Variants in PDZK1 observed in about 807,000 individuals in gnomAD.
The protein encoded by PDZK1 is PDZ domain containing 1, also known as Na(+)/H(+) exchange regulatory cofactor NHE-RF3.
A neutral mutation model predicts 38.1 loss-of-function variants in PDZK1; 23 were observed. The ratio of observed to expected loss-of-function variants is 0.60; its 90% CI spans 0.43 to 0.85. The LOEUF (loss-of-function observed/expected upper bound fraction) is 0.85, where lower values mean the gene tolerates loss of function less well. PDZK1 is among the 40% of genes least tolerant of loss of function. The pLI is 0.00. For synonymous variants in PDZK1, 98 were observed against 186.2 expected (o/e 0.53, Z 3.86); for missense variants, 297 against 504.3 (o/e 0.59, Z 3.94).
At chr1:145,686,203 A>G (rs1553701640) in intron 3 of PDZK1, among the ~76,000 whole-genome samples, 1 of 152,160 alleles carries the variant, frequency 6.6e-6, no homozygotes, top group African/African-American at 2.4e-5. Context: ...AGAGTCCTCA[A>G]GTGCCAGCCT....
At chr1:145,704,693 C>T (rs1656156465) in intron 1 of PDZK1, among the ~76,000 whole-genome samples, 2 of 152,160 alleles carry the variant, frequency 1.3e-5, no homozygotes, top group Non-Finnish European at 2.9e-5. Context: ...CTGGGCAGTC[C>T]CTCATGAAGG....
chr1:145,694,495 C>T (rs1655499321), intron 1 of PDZK1, among the ~76,000 whole-genome samples: 1 of 152,206 alleles, frequency 6.6e-6, no homozygotes, highest in South Asian at 2.1e-4. Flanking sequence ...CAGGCATCTG[C>T]CCCTCACTTA....
intron 1 of PDZK1, among the ~76,000 whole-genome samples, chr1:145,697,861 G>T (rs587634282): frequency 1.5e-5 from 2 of 132,802 alleles, no homozygotes; most frequent in Non-Finnish European, 3.1e-5. Flanking sequence ...CTTGTGGTCC[G>T]CCCGCCTCAG....
At chr1:145,706,938 C>A (rs1242610808) in intron 1 of PDZK1, among the ~76,000 whole-genome samples, 2 of 151,920 alleles carry the variant, frequency 1.3e-5, no homozygotes, top group African/African-American at 4.8e-5. Flanking sequence ...CTACCCAAGG[C>A]CCCTGTATCA....
intron 6 of PDZK1, chr1:145,674,123 G>A (rs1653389683): frequency 2.1e-6 from 2 of 935,412 alleles, no homozygotes; most frequent in Non-Finnish European, 2.5e-6. Context: ...CATAAAAGCA[G>A]TATAGGATGC....
intron 6 of PDZK1, among the ~76,000 whole-genome samples, chr1:145,677,495 C>T (rs1236931406): frequency 6.7e-6 from 1 of 149,406 alleles, no homozygotes; most frequent in African/African-American, 2.5e-5. Context: ...CAAGTATTTT[C>T]TAGGTATGAT....
At chr1:145,697,998 G>C (rs1553704448) in intron 1 of PDZK1, among the ~76,000 whole-genome samples, 1 of 151,782 alleles carries the variant, frequency 6.6e-6, no homozygotes, top group East Asian at 1.9e-4. Context: ...ATGGAAACTG[G>C]GGTTAGCCTT....
At chr1:145,695,395 C>T (rs1241040224) in intron 1 of PDZK1, among the ~76,000 whole-genome samples, 4 of 151,278 alleles carry the variant, frequency 2.6e-5, no homozygotes, top group Non-Finnish European at 5.9e-5. Flanking sequence ...AACTCCAGCC[C>T]GGGTGACAGA....
chr1:145,690,671 C>G (rs1361510871), intron 1 of PDZK1, among the ~76,000 whole-genome samples: 1 of 152,188 alleles, frequency 6.6e-6, no homozygotes, highest in African/African-American at 2.4e-5. Context: ...ACTCAACAAT[C>G]TCACGCCCTG....
chr1:145,679,895 G>A (rs1654065161), intron 5 of PDZK1, among the ~76,000 whole-genome samples: 1 of 152,130 alleles, frequency 6.6e-6, no homozygotes, highest in Non-Finnish European at 1.5e-5. Context: ...ACGAATTCTT[G>A]TACTACACAT....
chr1:145,703,846 G>A (rs1051124725), intron 1 of PDZK1, among the ~76,000 whole-genome samples: 2 of 151,624 alleles, frequency 1.3e-5, no homozygotes, highest in African/African-American at 4.9e-5. Context: ...TTGGCCAGGA[G>A]GGATGGAATC....
At chr1:145,695,731 A>G (rs1188127010) in intron 1 of PDZK1, among the ~76,000 whole-genome samples, 2 of 152,140 alleles carry the variant, frequency 1.3e-5, no homozygotes, top group Non-Finnish European at 2.9e-5. Flanking sequence ...CAGAGAGGCC[A>G]GGTAAGAGGC....
chr1:145,684,528 A>G (rs1487341740), intron 3 of PDZK1, among the ~76,000 whole-genome samples: 4 of 152,070 alleles, frequency 2.6e-5, no homozygotes, highest in Non-Finnish European at 4.4e-5. Flanking sequence ...TTTTTTATTG[A>G]TACATAACAT....
intron 1 of PDZK1, among the ~76,000 whole-genome samples, chr1:145,694,545 T>C (rs923439890): frequency 5.3e-5 from 8 of 152,200 alleles, no homozygotes; most frequent in Non-Finnish European, 8.8e-5. Flanking sequence ...GATAAAGTTA[T>C]ACACCACCCC....
At chr1:145,681,505 G>C (rs1486778815) in intron 4 of PDZK1, among the ~76,000 whole-genome samples, 13 of 149,034 alleles carry the variant, frequency 8.7e-5, no homozygotes, top group African/African-American at 3.1e-4. Context: ...AGCCAGGATG[G>C]TCTCGATCTC....
At chr1:145,693,091 G>T (rs1187833038) in intron 1 of PDZK1, among the ~76,000 whole-genome samples, 1 of 152,126 alleles carries the variant, frequency 6.6e-6, no homozygotes, top group Admixed American at 6.5e-5. Flanking sequence ...TTCTTCTTCT[G>T]AAGAAGGAAA....
At chr1:145,691,989 A>G (rs1323289678) in intron 1 of PDZK1, among the ~76,000 whole-genome samples, 2 of 151,932 alleles carry the variant, frequency 1.3e-5, no homozygotes, top group African/African-American at 4.8e-5. Context: ...CACCAATTTT[A>G]TTGATGAAAA....
intron 5 of PDZK1, 57 bp from the exon 6 acceptor site, chr1:145,678,702 A>C (rs1368687196): frequency 2.0e-6 from 1 of 497,752 alleles, no homozygotes; most frequent in African/African-American, 2.3e-5. Flanking sequence ...AAAAAAATAA[A>C]ACAGATTTTC....
At chr1:145,679,188 AGTTCCTG>A (rs1654002107) in intron 5 of PDZK1, among the ~76,000 whole-genome samples, 1 of 149,964 alleles carries the variant, frequency 6.7e-6, no homozygotes, top group African/African-American at 2.4e-5. Context: ...TTTTTTAACA[AGTTCCTG>A]TTTCACTTTT....
Sources: gnomAD v4.1 joint callset for allele counts (sites outside exome capture counted in the v4.1 genomes callset) on GRCh38, gnomAD v4.1.1 for gene constraint, MANE v1.5 for transcripts, NCBI Gene and HGNC (gene_info 2026-07-23, HGNC 2026-07-21) for gene names.